GPD2: variants seen among roughly 807,000 people sequenced by gnomAD.
The protein encoded by GPD2 is glycerol-3-phosphate dehydrogenase, mitochondrial.
GPD2 carries 54 observed loss-of-function variants against 82.4 expected under a neutral mutation model. The ratio of observed to expected loss-of-function variants is 0.66; its 90% CI spans 0.53 to 0.82. The LOEUF (loss-of-function observed/expected upper bound fraction) is 0.82, where lower values mean the gene tolerates loss of function less well. Ranked by LOEUF, GPD2 falls within the 40% of genes least tolerant of loss-of-function variation. The probability of loss-of-function intolerance (pLI) is 0.00; values close to 1 mark genes in which losing one functional copy is unlikely to be tolerated. For synonymous variants in GPD2, 288 were observed against 306.1 expected, an observed-to-expected ratio of 0.94 and a Z score of 0.62; for missense variants, 748 against 896.2, an observed-to-expected ratio of 0.83 and a Z score of 2.11.
chr2:156,401,069 C>T, the GPD2 span, among the ~76,000 whole-genome samples: 9 of 152,084 alleles, frequency 5.9e-5, no homozygotes, highest in African/African-American at 2.2e-4. Flanking sequence ...TGCATGAGTC[C>T]AGTGTTTAAA....
In GPD2 at chr2:156,578,902, C is replaced by T. The variant is rs371726623; in HGVS notation, c.1781C>T (p.Thr594Ile). Residue 594 changes from threonine (T) to isoleucine (I), a missense_variant, in exon 14 of 17, where the codon ACA becomes ATA. This residue lies in a region of GPD2 where 692 missense variants were observed against 809.7 expected (regional missense o/e 0.85). Transcript: ENST00000438166. ...DDYKKQEQLETARKFLYYEMG... is the reference protein window; with the variant it reads ...DDYKKQEQLEIARKFLYYEMG... The stretch of plus-strand genomic sequence containing the variant: ...TCTCTGTTTTAGGAACAACTTGAAA[C>T]AGCCAGGAAGTTTCTATATTATGAA... 4 of 1,595,610 alleles carry T rather than the reference C, an allele frequency of 2.5e-6. No individual in the cohort carries two copies. The highest frequency in any genetic ancestry group is 1.8e-4 in the Middle Eastern group (1 of 5,570).
chr2:156,510,634 C>T (rs1040221760), intron 3 of GPD2, among the ~76,000 whole-genome samples, 162 bp from the exon 4 acceptor site: 4 of 152,320 alleles, frequency 2.6e-5, no homozygotes, highest in East Asian at 3.9e-4. Context: ...AGCCTAAAAT[C>T]TCTTCATTAT....
intron 6 of GPD2, among the ~76,000 whole-genome samples, chr2:156,525,270 C>T (rs550243069): frequency 6.6e-6 from 1 of 152,302 alleles, no homozygotes; most frequent in African/African-American, 2.4e-5. Context: ...TGGGGCACTT[C>T]CTGCAGTTGG....
At chr2:156,501,078 T>C (rs1684571348) in intron 3 of GPD2, among the ~76,000 whole-genome samples, 1 of 152,108 alleles carries the variant, frequency 6.6e-6, no homozygotes. Context: ...TTATGTTCTT[T>C]TATGTAACTT....
chr2:156,460,025 T>C (rs1280604442), intron 1 of GPD2, among the ~76,000 whole-genome samples: 1 of 152,210 alleles, frequency 6.6e-6, no homozygotes. Flanking sequence ...ACTTAGTCAC[T>C]TGCCTCCTGA....
intron 15 of GPD2, among the ~76,000 whole-genome samples, chr2:156,579,402 C>T (rs560616399): frequency 2.4e-4 from 36 of 149,248 alleles, no homozygotes; most frequent in African/African-American, 8.4e-4. Context: ...GATCTCGGCT[C>T]ACTGTAACCT....
chr2:156,438,777 T>C (rs922212411), intron 1 of GPD2, among the ~76,000 whole-genome samples: 2 of 152,246 alleles, frequency 1.3e-5, no homozygotes, highest in African/African-American at 4.8e-5. Context: ...CAGCATTATA[T>C]TGTGTAATAA....
chr2:156,580,455 A>C (rs1011192054), intron 16 of GPD2, among the ~76,000 whole-genome samples: 1 of 152,194 alleles, frequency 6.6e-6, no homozygotes, highest in African/African-American at 2.4e-5. Context: ...CTTAAAAGAA[A>C]TTTCAACAAA....
chr2:156,458,350 T>G (rs1479809008), intron 1 of GPD2, among the ~76,000 whole-genome samples: 1 of 152,220 alleles, frequency 6.6e-6, no homozygotes, highest in African/African-American at 2.4e-5. Context: ...GTTGATCAGC[T>G]TTGCAGTTTC....
the GPD2 span, among the ~76,000 whole-genome samples, chr2:156,429,778 G>A: frequency 1.3e-5 from 2 of 152,098 alleles, no homozygotes; most frequent in Admixed American, 1.3e-4. Context: ...GATATTTTTA[G>A]ATGTCTATAA....
At chr2:156,453,425 G>A (rs973313544) in intron 1 of GPD2, among the ~76,000 whole-genome samples, 1 of 152,194 alleles carries the variant, frequency 6.6e-6, no homozygotes, top group African/African-American at 2.4e-5. Flanking sequence ...TAGATAAACT[G>A]AAGAAAGAGA....
At chr2:156,515,657 C>A (rs1162547138) in intron 6 of GPD2, among the ~76,000 whole-genome samples, 1 of 152,088 alleles carries the variant, frequency 6.6e-6, no homozygotes, top group African/African-American at 2.4e-5. Flanking sequence ...ATGAGCTTAG[C>A]AAAAATTCCT....
intron 2 of GPD2, among the ~76,000 whole-genome samples, chr2:156,494,121 A>G (rs929262670): frequency 2.0e-5 from 3 of 152,174 alleles, no homozygotes; most frequent in Non-Finnish European, 1.5e-5. Context: ...AAGAAGCTAT[A>G]TGAAAAATAA....
chr2:156,489,370 T>C (rs1684065744), intron 2 of GPD2, among the ~76,000 whole-genome samples: 1 of 152,196 alleles, frequency 6.6e-6, no homozygotes, highest in Admixed American at 6.5e-5. Flanking sequence ...TTTTAACACA[T>C]GCTCTTCCCA....
At chr2:156,458,874 A>C (rs915552920) in intron 1 of GPD2, among the ~76,000 whole-genome samples, 3 of 152,174 alleles carry the variant, frequency 2.0e-5, no homozygotes, top group African/African-American at 7.2e-5. Context: ...AATAATGCAC[A>C]CAAGGAAGAA....
chr2:156,412,306 G>A, the GPD2 span, among the ~76,000 whole-genome samples: 1 of 152,098 alleles, frequency 6.6e-6, no homozygotes, highest in Non-Finnish European at 1.5e-5. Context: ...TGGCATGGTG[G>A]TGGATGCCTG....
intron 1 of GPD2, among the ~76,000 whole-genome samples, chr2:156,450,347 G>T (rs1286111150): frequency 6.6e-6 from 1 of 152,112 alleles, no homozygotes; most frequent in Non-Finnish European, 1.5e-5. Context: ...TTGCATATAG[G>T]TTATATTTGA....
In GPD2 at chr2:156,459,686, C is replaced by CAAAAAAAA. The variant is rs564494059; in HGVS notation, c.-8-16396_-8-16389dup. Among the ~76,000 whole-genome samples, 180 of 38,168 alleles carry CAAAAAAAA rather than the reference C, an allele frequency of 4.7e-3. 17 individuals are homozygous for CAAAAAAAA. The highest frequency in any genetic ancestry group is 7.9e-3 in the African/African-American group (75 of 9,540). The allele number at this position is 38,168 out of a possible 152,430, so 25.0% of individuals were successfully genotyped here. On this transcript the variant is annotated intron_variant, in intron 1 of 16. Coordinates refer to ENST00000438166, the MANE Select transcript of GPD2 (RefSeq NM_000408.5). ...CTGGCGACAGAGCAAGACTCCGTCT[C>CAAAAAAAA]AAAAAAAAAAAAAAAAAAAAAAAGA...
chr2:156,559,246 G>A (rs959945409), intron 9 of GPD2, among the ~76,000 whole-genome samples: 1 of 151,936 alleles, frequency 6.6e-6, no homozygotes, highest in Admixed American at 6.6e-5. Flanking sequence ...GCTCCTTGAG[G>A]GTAAAGATTC....
Sources: allele counts gnomAD v4.1 joint callset (sites outside exome capture counted in the v4.1 genomes callset), GRCh38; gene constraint gnomAD v4.1.1; regional missense constraint gnomAD v4.1.1; transcripts MANE v1.5; gene names NCBI Gene and HGNC (gene_info 2026-07-23, HGNC 2026-07-21).